Variants in EML5 observed in about 807,000 individuals in gnomAD.
EML5 encodes the protein echinoderm microtubule-associated protein-like 5.
In EML5, 120 loss-of-function variants were observed where a neutral mutation model predicts 250.0. That is an observed-to-expected ratio of 0.48 (90% CI 0.41 to 0.56). The LOEUF is 0.56. Among genes scored for constraint, EML5 ranks in the 20% least tolerant of loss-of-function variants. EML5 has a pLI of 0.00. For missense variants in EML5, 2,006 were observed against 2,437.6 expected (o/e 0.82, Z 3.73); for synonymous variants, 771 against 806.5 (o/e 0.96, Z 0.75).
In EML5 at chr14:88,616,144, G is replaced by C; in HGVS notation, c.5895C>G (p.Cys1965Trp). The stretch of plus-strand genomic sequence containing the variant: ...CATGGGCTGAGAAAGTTACTAACCT[G>C]CAGTCATCACCTCCAGCACTAACAA... ...RHVVSAGGDD[C>W]SLFVWKCVHT... Residue 1965 changes from cysteine (C) to tryptophan (W), a missense_variant and splice_region_variant, in exon 43 of 44, where the codon TGC becomes TGG. This residue lies in a region of EML5 where 56 missense variants were observed against 55.1 expected (regional missense o/e 1.02). Coordinates refer to ENST00000554922, the MANE Select transcript of EML5 (RefSeq NM_183387.3). 1 of 1,613,682 alleles carries C rather than the reference G, an allele frequency of 6.2e-7. No homozygotes were observed. The highest frequency in any genetic ancestry group is 8.5e-7 in the Non-Finnish European group (1 of 1,179,660).
chr14:88,736,823 A>C (rs1595723604), intron 6 of EML5, among the ~76,000 whole-genome samples: 1 of 151,782 alleles, frequency 6.6e-6, no homozygotes, highest in African/African-American at 2.4e-5. Context: ...ATCCTTCCCT[A>C]ATTTTTTTTT....
intron 4 of EML5, among the ~76,000 whole-genome samples, chr14:88,741,923 GTACTT>G (rs1423734280): frequency 6.6e-6 from 1 of 152,052 alleles, no homozygotes; most frequent in African/African-American, 2.4e-5. Context: ...GATCTAATGA[GTACTT>G]TAATTAAACT....
intron 25 of EML5, 80 bp downstream of exon 25, chr14:88,661,574 C>T (rs2092102695): frequency 1.6e-6 from 2 of 1,252,564 alleles, no homozygotes; most frequent in Admixed American, 2.5e-5. Flanking sequence ...CAATTAATAA[C>T]AATGAAGTGC....
At chr14:88,663,723 T>G (rs1242057014) in intron 23 of EML5, among the ~76,000 whole-genome samples, 3 of 151,562 alleles carry the variant, frequency 2.0e-5, no homozygotes, top group Admixed American at 6.6e-5. Flanking sequence ...TTTTTAGGAA[T>G]GGGGTCTCAC....
intron 21 of EML5, among the ~76,000 whole-genome samples, chr14:88,669,091 C>T (rs752901004): frequency 6.6e-6 from 1 of 152,200 alleles, no homozygotes; most frequent in African/African-American, 2.4e-5. Context: ...GGAGCTCCTA[C>T]TCCCAGCCAA....
Position 88,712,312 on chromosome 14 carries a change from T to C in EML5, c.1616A>G (p.Tyr539Cys), listed in dbSNP as rs1452219634. The part of the protein sequence containing the change: ...IGQVLVTADD[Y>C]GIIKLFRYPC... ...ATATCGGAATAATTTTATAATTCCA[T>C]AGTCATCAGCTGTAACTAAAACTTG... Residue 539 changes from tyrosine to cysteine, a missense_variant, in exon 10 of 44, where the codon TAT becomes TGT. Physicochemically the swap from Tyr to Cys is radical, Grantham distance 194. This residue lies in a region of EML5 where 1,375 missense variants were observed against 1,590.3 expected (regional missense o/e 0.86). Coordinates refer to ENST00000554922, the MANE Select transcript of EML5 (RefSeq NM_183387.3). 4 of 1,612,296 alleles carry C rather than the reference T, an allele frequency of 2.5e-6. No homozygotes were observed. The highest frequency in any genetic ancestry group is 1.3e-5 in the African/African-American group (1 of 74,902).
At chr14:88,663,825 A>G (rs1377121366) in intron 23 of EML5, among the ~76,000 whole-genome samples, 2 of 151,942 alleles carry the variant, frequency 1.3e-5, no homozygotes, top group African/African-American at 4.8e-5. Flanking sequence ...ATGAGCCACC[A>G]TACCTGGCCA....
At chr14:88,637,540 T>C (rs2090809812) in intron 32 of EML5, among the ~76,000 whole-genome samples, 2 of 152,096 alleles carry the variant, frequency 1.3e-5, no homozygotes. Context: ...TATTCTAGAA[T>C]TCTATTTGCA....
intron 7 of EML5, among the ~76,000 whole-genome samples, chr14:88,729,872 T>TTG (rs1182588224): frequency 6.2e-5 from 7 of 112,474 alleles, no homozygotes; most frequent in East Asian, 3.6e-4. Context: ...TGTTTTTTGT[T>TTG]TTTTTTTTTT....
intron 17 of EML5, among the ~76,000 whole-genome samples, 198 bp downstream of exon 17, chr14:88,694,109 G>C (rs1201790615): frequency 6.6e-6 from 1 of 151,870 alleles, no homozygotes; most frequent in Non-Finnish European, 1.5e-5. Context: ...ACCATTTGTT[G>C]AAACTAAGAA....
At chr14:88,788,502 C>T (rs2094573103) in intron 1 of EML5, among the ~76,000 whole-genome samples, 1 of 151,596 alleles carries the variant, frequency 6.6e-6, no homozygotes, top group South Asian at 2.1e-4. Flanking sequence ...GTCATTTGAG[C>T]TCATCACCAA....
chr14:88,768,544 G>A (rs549862753), intron 1 of EML5, among the ~76,000 whole-genome samples: 2 of 152,064 alleles, frequency 1.3e-5, no homozygotes, highest in South Asian at 2.1e-4. Context: ...CTGAGTAGCT[G>A]GAATTACAGG....
rs376499925 is a variant in EML5 at position 88,791,189 on chromosome 14, T to C, written c.197+1118A>G. Among the ~76,000 whole-genome samples the C allele has an allele frequency of 1.5e-4, 23 of 152,262 alleles. No individual in the cohort carries two copies. In the East Asian group the frequency reaches 4.2e-3, roughly 28 times the overall value. ...CAGAGACGCAAAACAGAAGAACAACTTTATTTGTGGAATTTACATACCAGG... is the reference window on the plus strand; with the variant it reads ...CAGAGACGCAAAACAGAAGAACAACCTTATTTGTGGAATTTACATACCAGG... On this transcript the variant is annotated intron_variant, in intron 1 of 43. Transcript: ENST00000554922.
Position 88,672,213 on chromosome 14 carries a change from C to A in EML5, c.3125-6724G>T, listed in dbSNP as rs1279989403. ...CATAACAGTCTCTCAGACCACAGCACTATCAAATTAGAACCCAAGATTAAG... is the reference window on the plus strand; with the variant it reads ...CATAACAGTCTCTCAGACCACAGCAATATCAAATTAGAACCCAAGATTAAG... On this transcript the variant is annotated intron_variant, in intron 21 of 43. Coordinates refer to ENST00000554922, the MANE Select transcript of EML5 (RefSeq NM_183387.3). 2.0e-5 allele frequency among the ~76,000 whole-genome samples: 3 copies of A among 152,186 alleles called. No homozygotes were observed. In the East Asian group the frequency reaches 5.8e-4, roughly 29 times the overall value.
At chr14:88,767,480 A>G (rs1371633903) in intron 1 of EML5, among the ~76,000 whole-genome samples, 1 of 152,156 alleles carries the variant, frequency 6.6e-6, no homozygotes, top group African/African-American at 2.4e-5. Context: ...TCTGCATACT[A>G]TCATATACTT....
chr14:88,790,487 C>T (rs976818999), intron 1 of EML5, among the ~76,000 whole-genome samples: 4 of 152,136 alleles, frequency 2.6e-5, no homozygotes, highest in African/African-American at 7.2e-5. Context: ...CTAATTACTG[C>T]TAGAAGAACA....
At chr14:88,737,486 G>A (rs754193389) in intron 6 of EML5, among the ~76,000 whole-genome samples, 25 of 152,230 alleles carry the variant, frequency 1.6e-4, no homozygotes, top group Non-Finnish European at 2.8e-4. Context: ...ACCTCCTGGC[G>A]AGCCTGGAGC....
intron 1 of EML5, 81 bp from the exon 2 acceptor site, chr14:88,754,752 C>T: frequency 1.7e-6 from 2 of 1,162,230 alleles, no homozygotes; most frequent in East Asian, 5.2e-5. Flanking sequence ...ATGTAAAACA[C>T]ATATACCAGT....
rs778276469 is a variant in EML5, at chr14:88,621,173, C to T, written c.5142G>A (p.Arg1714=). 6.2e-7 allele frequency: 1 copy of T among 1,613,768 alleles called. No homozygotes were observed. The highest frequency in any genetic ancestry group is 8.5e-7 in the Non-Finnish European group (1 of 1,179,840). ...CTTCTGCAGCAGAAAGGAAAAAATC[C>T]CTGGAAGGATGTGTTGCTAGTCCCC... The part of the protein sequence containing the change: ...PIWGLATHPS[R]DFFLSAAEDG... Residue 1714 remains arginine, a synonymous_variant, in exon 38 of 44, where the codon AGG becomes AGA. Transcript: ENST00000554922.
Sources: gnomAD v4.1 joint callset for allele counts (sites outside exome capture counted in the v4.1 genomes callset) on GRCh38, gnomAD v4.1.1 for gene constraint, gnomAD v4.1.1 regional missense constraint, MANE v1.5 for transcripts, NCBI Gene and HGNC (gene_info 2026-07-23, HGNC 2026-07-21) for gene names.